AKAP19: variants seen among roughly 807,000 people sequenced by gnomAD.
The protein encoded by AKAP19 is A-kinase anchoring protein 19.
At chr2:190,023,426 T>A in the AKAP19 span, among the ~76,000 whole-genome samples, 4 of 152,042 alleles carry the variant, frequency 2.6e-5, no homozygotes, top group African/African-American at 4.8e-5. Flanking sequence ...AATAAAAGCA[T>A]ATTATGGTGT....
chr2:190,072,227 A>G, the AKAP19 span, among the ~76,000 whole-genome samples: 1 of 152,146 alleles, frequency 6.6e-6, no homozygotes, highest in African/African-American at 2.4e-5. Context: ...ATGAGCATAA[A>G]GATAGCAAAA....
At chr2:190,201,938 A>AT in the AKAP19 span, 1 of 167,050 alleles carries the variant, frequency 6.0e-6, no homozygotes, top group Non-Finnish European at 1.5e-5. Flanking sequence ...ACACCAAGAC[A>AT]TTTTTGCTGC....
the AKAP19 span, among the ~76,000 whole-genome samples, chr2:190,175,006 G>GATTACATAGAGTACATA: frequency 5.3e-5 from 8 of 151,802 alleles, no homozygotes; most frequent in Non-Finnish European, 7.4e-5. Context: ...TAGATTACAT[G>GATTACATAGAGTACATA]GAGTACATAG....
At chr2:189,901,613 C>T in the AKAP19 span, among the ~76,000 whole-genome samples, 16 of 152,306 alleles carry the variant, frequency 1.1e-4, no homozygotes, top group African/African-American at 3.6e-4. Context: ...GCTGGGATTA[C>T]ATGTGTGAGT....
chr2:190,004,370 C>G, the AKAP19 span, among the ~76,000 whole-genome samples: 3 of 152,112 alleles, frequency 2.0e-5, no homozygotes, highest in Non-Finnish European at 4.4e-5. Flanking sequence ...GTATTTTGCT[C>G]AAAGTCCTCC....
chr2:190,036,459 T>C, the AKAP19 span, among the ~76,000 whole-genome samples: 2 of 152,170 alleles, frequency 1.3e-5, no homozygotes, highest in African/African-American at 2.4e-5. Context: ...CTATGTAGAG[T>C]TAAAATAGAT....
the AKAP19 span, among the ~76,000 whole-genome samples, chr2:190,191,984 G>T: frequency 2.7e-5 from 4 of 150,844 alleles, no homozygotes; most frequent in Non-Finnish European, 5.9e-5. Flanking sequence ...TAGTTTACCA[G>T]TTTTTTTCTT....
the AKAP19 span, among the ~76,000 whole-genome samples, chr2:189,981,597 C>A: frequency 3.3e-5 from 5 of 152,308 alleles, no homozygotes; most frequent in African/African-American, 4.8e-5. Flanking sequence ...TATATGGGAT[C>A]TGTGCATTTT....
At chr2:190,079,878 TGTGTGTGTGTGTGAGAGA>T in the AKAP19 span, 27,366 of 148,160 alleles carry the variant, frequency 0.18, 2,550 homozygotes, top group Middle Eastern at 0.28. Flanking sequence ...TGTGTGTGTG[TGTGTGTGTGTGTGAGAGA>T]GAGAGAGAGA....
the AKAP19 span, among the ~76,000 whole-genome samples, chr2:189,946,156 T>G: frequency 6.6e-6 from 1 of 152,202 alleles, no homozygotes; most frequent in African/African-American, 2.4e-5. Context: ...GTTATTAGAC[T>G]AGGTGGTCTT....
At chr2:190,046,541 A>G in the AKAP19 span, among the ~76,000 whole-genome samples, 7 of 152,164 alleles carry the variant, frequency 4.6e-5, no homozygotes, top group African/African-American at 1.7e-4. Context: ...GAAAAAATAC[A>G]TCTTTATTTT....
At chr2:190,009,105 CTG>C in the AKAP19 span, among the ~76,000 whole-genome samples, 1 of 152,130 alleles carries the variant, frequency 6.6e-6, no homozygotes, top group Admixed American at 6.5e-5. Context: ...TAGAAGACCA[CTG>C]TGGGTGGAAT....
chr2:190,116,773 C>T, the AKAP19 span, among the ~76,000 whole-genome samples: 4 of 152,152 alleles, frequency 2.6e-5, no homozygotes, highest in East Asian at 7.7e-4. Flanking sequence ...CCATCTGGCC[C>T]AGAACTGGTT....
chr2:189,929,054 A>G, the AKAP19 span, among the ~76,000 whole-genome samples: 1 of 152,222 alleles, frequency 6.6e-6, no homozygotes, highest in Non-Finnish European at 1.5e-5. Context: ...GAAAAAATGG[A>G]GAAATTCCTT....
chr2:190,114,638 AG>A, the AKAP19 span, among the ~76,000 whole-genome samples: 5 of 152,058 alleles, frequency 3.3e-5, no homozygotes, highest in African/African-American at 1.2e-4. Context: ...TTGTACTTTT[AG>A]TAGAGACGGG....
At chr2:190,046,539 A>G in the AKAP19 span, among the ~76,000 whole-genome samples, 1 of 152,202 alleles carries the variant, frequency 6.6e-6, no homozygotes, top group Non-Finnish European at 1.5e-5. Flanking sequence ...GGGAAAAAAT[A>G]CATCTTTATT....
chr2:190,073,336 A>G, the AKAP19 span, among the ~76,000 whole-genome samples: 1 of 152,218 alleles, frequency 6.6e-6, no homozygotes, highest in Admixed American at 6.5e-5. Flanking sequence ...GTAATGTAGA[A>G]CAGTATTTTT....
the AKAP19 span, among the ~76,000 whole-genome samples, chr2:189,961,572 T>C: frequency 2.0e-5 from 3 of 152,166 alleles, no homozygotes; most frequent in Non-Finnish European, 2.9e-5. Flanking sequence ...TTAATTTACC[T>C]CATAAGTCCC....
the AKAP19 span, among the ~76,000 whole-genome samples, chr2:190,001,922 T>C: frequency 1.3e-5 from 2 of 152,316 alleles, no homozygotes; most frequent in South Asian, 4.1e-4. Context: ...GTCAAGCCAT[T>C]GGCCCCCTTC....
Sources: gnomAD v4.1 joint callset for allele counts (sites outside exome capture counted in the v4.1 genomes callset) on GRCh38, gnomAD v4.1.1 for gene constraint, MANE v1.5 for transcripts, NCBI Gene and HGNC (gene_info 2026-07-23, HGNC 2026-07-21) for gene names.